Variants in GFRA1 observed in about 807,000 individuals in gnomAD.
GFRA1 encodes the protein GDNF family receptor alpha 1, also known as GDNF family receptor alpha-1.
In GFRA1, 16 loss-of-function variants were observed where a neutral mutation model predicts 51.6. The observed-to-expected ratio is 0.31, with a 90% confidence interval of 0.21 to 0.47. The LOEUF is 0.47. Among genes scored for constraint, GFRA1 ranks in the 20% least tolerant of loss-of-function variants. GFRA1 has a pLI of 1.00. For synonymous variants in GFRA1, 270 were observed against 241.3 expected (o/e 1.12, Z -1.10); for missense variants, 530 against 594.3 (o/e 0.89, Z 1.13).
intron 5 of GFRA1, among the ~76,000 whole-genome samples, chr10:116,167,985 T>C (rs968773447): frequency 6.6e-6 from 1 of 152,074 alleles, no homozygotes; most frequent in African/African-American, 2.4e-5. Context: ...AGACAACATA[T>C]TGGGTACGGT....
Position 116,057,993 on chromosome 10 carries a change from TGTG to T in GFRA1, c.*6402_*6404del, listed in dbSNP as rs1565539515. ...GGATCATATAGCCCTCCAATCATTG[TGTG>T]TGTGTGTGTGTGTGTGTGTGTGTGT... On this transcript the variant is annotated 3_prime_UTR_variant, in exon 11 of 11. Coordinates refer to ENST00000355422, the MANE Select transcript of GFRA1 (RefSeq NM_005264.8). The T allele has an allele frequency of 4.4e-4, 10 of 22,904 alleles. No homozygotes were observed. The highest frequency in any genetic ancestry group is 1.3e-3 in the African/African-American group (7 of 5,352). 1.4% of individuals were successfully genotyped at this position (22,904 alleles called of 1,614,324 possible).
intron 4 of GFRA1, among the ~76,000 whole-genome samples, chr10:116,254,675 A>C (rs1418385945): frequency 6.6e-6 from 1 of 152,206 alleles, no homozygotes; most frequent in African/African-American, 2.4e-5. Context: ...GCATCCCAAA[A>C]AATGCTCCTG....
At chr10:116,152,395 C>A (rs534030513) in intron 5 of GFRA1, among the ~76,000 whole-genome samples, 102 of 152,114 alleles carry the variant, frequency 6.7e-4, no homozygotes, top group Non-Finnish European at 1.3e-3. Flanking sequence ...AAAGAAGTAC[C>A]TGAGGCTGGG....
intron 4 of GFRA1, among the ~76,000 whole-genome samples, chr10:116,231,822 C>G (rs753244577): frequency 6.6e-6 from 1 of 152,300 alleles, no homozygotes; most frequent in Non-Finnish European, 1.5e-5. Context: ...TTGCACAACA[C>G]CTAAATCGAC....
Position 116,061,950 on chromosome 10 carries a change from T to G in GFRA1, c.*2448A>C, listed in dbSNP as rs765285141. The G allele has an allele frequency of 1.5e-4, 61 of 398,454 alleles. No individual in the cohort carries two copies. Among genetic ancestry groups the G allele is most frequent in the Non-Finnish European group, 1.2e-4 (28 of 226,040 alleles). 24.7% of individuals were successfully genotyped at this position (398,454 alleles called of 1,614,324 possible). On this transcript the variant is annotated 3_prime_UTR_variant, in exon 11 of 11. Coordinates refer to ENST00000355422, the MANE Select transcript of GFRA1 (RefSeq NM_005264.8). ...CCCTGAACAAGATGCTTCCCCCTATTTATTTAATCAGCAACTGATTTTCAA... is the reference window on the plus strand; with the variant it reads ...CCCTGAACAAGATGCTTCCCCCTATGTATTTAATCAGCAACTGATTTTCAA...
chr10:116,101,831 G>A (rs947730677), intron 6 of GFRA1, among the ~76,000 whole-genome samples: 7 of 152,132 alleles, frequency 4.6e-5, no homozygotes, highest in African/African-American at 1.7e-4. Flanking sequence ...TCCAGGCTCC[G>A]ACTCATGAAC....
intron 6 of GFRA1, among the ~76,000 whole-genome samples, chr10:116,105,278 A>G (rs1031208966): frequency 1.3e-5 from 2 of 152,248 alleles, no homozygotes; most frequent in African/African-American, 4.8e-5. Context: ...AACTTTAGAA[A>G]TCAGTTTTGT....
intron 4 of GFRA1, among the ~76,000 whole-genome samples, chr10:116,250,927 G>A (rs374307980): frequency 1.1e-3 from 168 of 152,304 alleles, no homozygotes; most frequent in Middle Eastern, 3.4e-3. Context: ...GGCTTGGCCC[G>A]CCTGGGGTCC....
chr10:116,059,643 T>G lies in GFRA1; in HGVS notation c.*4755A>C, dbSNP rs2133732419. ...GCCTTCTCCACCCCTCTGGGCTGGG[T>G]CTCAGAACAATCAGAAGTGCAGGTG... On this transcript the variant is annotated 3_prime_UTR_variant, in exon 11 of 11. Coordinates refer to ENST00000355422, the MANE Select transcript of GFRA1 (RefSeq NM_005264.8). 1 of 152,320 alleles carries G rather than the reference T, an allele frequency of 6.6e-6. No homozygotes were observed. Among genetic ancestry groups the G allele is most frequent in the East Asian group, 1.9e-4 (1 of 5,176 alleles). 9.4% of individuals were successfully genotyped at this position (152,320 alleles called of 1,614,324 possible).
chr10:116,145,628 T>G (rs1479009672), intron 5 of GFRA1, among the ~76,000 whole-genome samples: 1 of 152,202 alleles, frequency 6.6e-6, no homozygotes, highest in African/African-American at 2.4e-5. Context: ...AAATATTTTA[T>G]AAGTTAATGT....
rs1303944291 is a variant in GFRA1 at position 116,207,729 on chromosome 10, TTGA to T, written c.433+3899_433+3901del. ...CATATAGGAATATTTTAATAATGTC[TTGA>T]TGAGCATAATTTGCCAGCCTTAAGG... is the stretch of plus-strand genomic sequence containing the variant. On this transcript the variant is annotated intron_variant, in intron 5 of 10. Coordinates refer to ENST00000355422, the MANE Select transcript of GFRA1 (RefSeq NM_005264.8). Among the ~76,000 whole-genome samples, 5 of 152,170 alleles carry T rather than the reference TTGA, an allele frequency of 3.3e-5. No individual in the cohort carries two copies. The East Asian group carries it at 9.6e-4, about 29-fold the overall frequency.
chr10:116,176,894 G>A lies in GFRA1; in HGVS notation c.433+34737C>T, dbSNP rs1027806661. On this transcript the variant is annotated intron_variant, in intron 5 of 10. Transcript: ENST00000355422. ...ACCATGCAGTGTGGCAGTGGCAGAC[G>A]CTGCAGTGGAGCGGTGGTCCAGGCA... is the stretch of plus-strand genomic sequence containing the variant. Among the ~76,000 whole-genome samples, 7 of 152,176 alleles carry A rather than the reference G, an allele frequency of 4.6e-5. No homozygotes were observed. In the East Asian group the frequency reaches 9.6e-4, roughly 21 times the overall value.
chr10:116,199,706 T>C (rs894810635), intron 5 of GFRA1, among the ~76,000 whole-genome samples: 1 of 152,208 alleles, frequency 6.6e-6, no homozygotes, highest in African/African-American at 2.4e-5. Flanking sequence ...GGGTTGGTAT[T>C]TGTTTCATTT....
chr10:116,074,947 A>ATTCT, intron 9 of GFRA1, among the ~76,000 whole-genome samples: 1 of 152,342 alleles, frequency 6.6e-6, no homozygotes, highest in South Asian at 2.1e-4. Flanking sequence ...GCTCAGAGGT[A>ATTCT]TTCTCACAGG....
rs1406430640 is a variant in GFRA1, at chr10:116,089,987, C to T, written c.1016-65G>A. 3 of 1,414,064 alleles carry T rather than the reference C, an allele frequency of 2.1e-6. No individual in the cohort carries two copies. In the South Asian group the frequency reaches 3.6e-5, roughly 17 times the overall value. The allele number at this position is 1,414,064 out of a possible 1,614,324, so 87.6% of individuals were successfully genotyped here. Reference sequence around the variant, plus strand: ...CAGCAAACGTAACAGACAGGATATACACAGCCAGAGAGGCACACTAGAAAT... The same window carrying T: ...CAGCAAACGTAACAGACAGGATATATACAGCCAGAGAGGCACACTAGAAAT... On this transcript the variant is annotated intron_variant, in intron 8 of 10. Coordinates refer to ENST00000355422, the MANE Select transcript of GFRA1 (RefSeq NM_005264.8).
chr10:116,173,619 C>T (rs1343633024), intron 5 of GFRA1, among the ~76,000 whole-genome samples: 3 of 152,192 alleles, frequency 2.0e-5, no homozygotes, highest in East Asian at 1.9e-4. Context: ...GACTATAACT[C>T]CCAAGGGATT....
At chr10:116,181,095 T>C (rs1962171793) in intron 5 of GFRA1, among the ~76,000 whole-genome samples, 2 of 152,224 alleles carry the variant, frequency 1.3e-5, no homozygotes, top group Admixed American at 1.3e-4. Flanking sequence ...ATAAGCCTAC[T>C]GGACTCCATT....
At chr10:116,268,807 G>A (rs909359678) in intron 4 of GFRA1, among the ~76,000 whole-genome samples, 1 of 152,168 alleles carries the variant, frequency 6.6e-6, no homozygotes, top group Admixed American at 6.5e-5. Flanking sequence ...TTATTTATGG[G>A]CTGTCTGAAT....
intron 9 of GFRA1, among the ~76,000 whole-genome samples, chr10:116,078,581 C>T (rs1033395591): frequency 6.6e-6 from 1 of 152,148 alleles, no homozygotes; most frequent in African/African-American, 2.4e-5. Context: ...GGGAAGATCC[C>T]CCTCCAACAG....
Sources: allele counts gnomAD v4.1 joint callset (sites outside exome capture counted in the v4.1 genomes callset), GRCh38; gene constraint gnomAD v4.1.1; transcripts MANE v1.5; gene names NCBI Gene and HGNC (gene_info 2026-07-23, HGNC 2026-07-21).